The following KCNA2 variants were observed in gnomAD, a reference collection of about 807,000 sequenced individuals.
KCNA2 encodes the protein potassium voltage-gated channel subfamily A member 2, also known as potassium channel, voltage gated shaker related subfamily A, member 2.
A neutral mutation model predicts 33.4 loss-of-function variants in KCNA2; 11 were observed. The ratio of observed to expected loss-of-function variants is 0.33; its 90% CI spans 0.21 to 0.55. KCNA2 has a LOEUF of 0.55. KCNA2 is among the 20% of genes least tolerant of loss of function. The pLI is 0.93. For synonymous variants in KCNA2, 222 were observed against 231.3 expected (o/e 0.96, Z 0.37); for missense variants, 291 against 621.6 (o/e 0.47, Z 5.66).
chr1:110,616,235 A>T (rs1232991285), intron 1 of KCNA2, among the ~76,000 whole-genome samples: 1 of 152,174 alleles, frequency 6.6e-6, no homozygotes, highest in African/African-American at 2.4e-5. Flanking sequence ...GGGCATCTGT[A>T]GCCCCTGGCC....
At chr1:110,606,745 C>T (rs1483750760), upstream of KCNA2, 4 of 152,260 alleles carry the variant, frequency 2.6e-5, no homozygotes, top group African/African-American at 9.6e-5. Flanking sequence ...TGGGGAGTAG[C>T]CTGCGCCAGG....
At position 110,597,034 on chromosome 1, in the gene KCNA2, T is replaced by C; in HGVS notation, c.*6249A>G. The stretch of plus-strand genomic sequence containing the variant: ...TCTTTATTTCACTAATGTCATGCCC[T>C]AACCACCCAAACTTCTATCCCTGTA... On this transcript the variant is annotated 3_prime_UTR_variant, in exon 3 of 3. Transcript: ENST00000316361. The C allele has an allele frequency of 3.0e-6, 3 of 985,450 alleles. No individual in the cohort carries two copies. The highest frequency in any genetic ancestry group is 3.6e-6 in the Non-Finnish European group (3 of 829,938). 61.0% of individuals were successfully genotyped at this position (985,450 alleles called of 1,614,324 possible).
chr1:110,628,778 C>G (rs911436943), intron 1 of KCNA2, among the ~76,000 whole-genome samples: 1 of 152,198 alleles, frequency 6.6e-6, no homozygotes, highest in African/African-American at 2.4e-5. Context: ...ACCAATCCCA[C>G]AGAATTCGTC....
chr1:110,620,217 C>G (rs1014189463), intron 1 of KCNA2, among the ~76,000 whole-genome samples: 1 of 152,208 alleles, frequency 6.6e-6, no homozygotes, highest in Non-Finnish European at 1.5e-5. Context: ...CTTCTCCTTT[C>G]CCTCTGTGTG....
chr1:110,595,788 A>G lies in KCNA2; in HGVS notation c.*7495T>C, dbSNP rs1458287603. On this transcript the variant is annotated 3_prime_UTR_variant, in exon 3 of 3. Coordinates refer to ENST00000316361, the MANE Select transcript of KCNA2 (RefSeq NM_004974.4). ...GGATTTGTTAGTTCCATTGATTGCC[A>G]CAAACCTCACCTTCTGTGTGGCAGA... 1 of 985,358 alleles carries G rather than the reference A, an allele frequency of 1.0e-6. No individual in the cohort carries two copies. The highest frequency in any genetic ancestry group is 1.1e-4 in the East Asian group (1 of 8,836). 61.0% of individuals were successfully genotyped at this position (985,358 alleles called of 1,614,324 possible). A position where few individuals can be genotyped will look rare whatever the true frequency, so the allele number is the denominator to read the frequency against.
chr1:110,596,753 A>C lies in KCNA2; in HGVS notation c.*6530T>G, dbSNP rs966164863. 2 of 985,446 alleles carry C rather than the reference A, an allele frequency of 2.0e-6. No homozygotes were observed. Among genetic ancestry groups the C allele is most frequent in the Non-Finnish European group, 1.2e-6 (1 of 829,926 alleles). The allele number at this position is 985,446 out of a possible 1,614,324, so 61.0% of individuals were successfully genotyped here. ...CATGCTTTCCCATTCCCACTCAAAT[A>C]ACCAAAATTGCAAAGCAATCAGGAT... On this transcript the variant is annotated 3_prime_UTR_variant, in exon 3 of 3. Transcript: ENST00000316361.
Position 110,594,138 on chromosome 1 carries a change from AC to A in KCNA2, c.*9144del. ...TGATCCCAAGGAGGCTTATTTATCT[AC>A]CTCTTTGAGTTTTCAGCAATTATTA... On this transcript the variant is annotated 3_prime_UTR_variant, in exon 3 of 3. Coordinates refer to ENST00000316361, the MANE Select transcript of KCNA2 (RefSeq NM_004974.4). 7.4e-7 allele frequency: 1 copy of A among 1,355,842 alleles called. No individual in the cohort carries two copies. The highest frequency in any genetic ancestry group is 9.4e-7 in the Non-Finnish European group (1 of 1,058,428). 84.0% of individuals were successfully genotyped at this position (1,355,842 alleles called of 1,614,324 possible).
At chr1:110,626,852 C>G (rs532552191) in intron 1 of KCNA2, among the ~76,000 whole-genome samples, 3 of 152,306 alleles carry the variant, frequency 2.0e-5, no homozygotes, top group Admixed American at 2.0e-4. Context: ...TTTTCCACCT[C>G]CCTGCATGGA....
At chr1:110,620,679 A>C (rs1650232589) in intron 1 of KCNA2, among the ~76,000 whole-genome samples, 1 of 152,098 alleles carries the variant, frequency 6.6e-6, no homozygotes, top group African/African-American at 2.4e-5. Context: ...TCAAGGTAGC[A>C]TTTGAAGTGG....
In KCNA2 at chr1:110,605,721, G is replaced by T. The variant is rs1006475290; in HGVS notation, c.-494C>A. The T allele has an allele frequency of 6.6e-6, 1 of 152,350 alleles. No individual in the cohort carries two copies. The highest frequency in any genetic ancestry group is 1.5e-5 in the Non-Finnish European group (1 of 68,112). 9.4% of individuals were successfully genotyped at this position (152,350 alleles called of 1,614,324 possible). A position where few individuals can be genotyped will look rare whatever the true frequency, so the allele number is the denominator to read the frequency against. ...GGCTGTCCTCAGGAGGTGTGACGTT[G>T]CCTGGAAAAAAACAGCAGCAAGGTG... is the stretch of plus-strand genomic sequence containing the variant. On this transcript the variant is annotated splice_region_variant and 5_prime_UTR_variant, in exon 2 of 3. Transcript: ENST00000316361.
chr1:110,630,029 T>C (rs1650508853), intron 1 of KCNA2, among the ~76,000 whole-genome samples: 1 of 86,092 alleles, frequency 1.2e-5, no homozygotes, highest in Non-Finnish European at 3.0e-5. Flanking sequence ...TTTTTTTTTT[T>C]TTTGAGACGG....
chr1:110,594,138 A>C lies in KCNA2; in HGVS notation c.*9145T>G. 3.0e-6 allele frequency: 4 copies of C among 1,355,842 alleles called. No individual in the cohort carries two copies. In the South Asian group the frequency reaches 7.2e-5, roughly 24 times the overall value. The allele number at this position is 1,355,842 out of a possible 1,614,324, so 84.0% of individuals were successfully genotyped here. On this transcript the variant is annotated 3_prime_UTR_variant, in exon 3 of 3. Transcript: ENST00000316361. Reference sequence around the variant, plus strand: ...TGATCCCAAGGAGGCTTATTTATCTACCTCTTTGAGTTTTCAGCAATTATT... The same window carrying C: ...TGATCCCAAGGAGGCTTATTTATCTCCCTCTTTGAGTTTTCAGCAATTATT...
upstream of KCNA2, among the ~76,000 whole-genome samples, chr1:110,609,279 G>A (rs1157908212): frequency 2.0e-5 from 3 of 152,184 alleles, no homozygotes; most frequent in Non-Finnish European, 2.9e-5. Flanking sequence ...GAAAACAGAA[G>A]CTGTGGACAG....
rs150243871 is a variant in KCNA2 at position 110,616,111 on chromosome 1, G to A, written c.-495-10389C>T. Among the ~76,000 whole-genome samples, 777 of 152,336 alleles carry A rather than the reference G, an allele frequency of 5.1e-3. 1 individual carries two copies. Among genetic ancestry groups the A allele is most frequent in the Non-Finnish European group, 7.4e-3 (506 of 68,032 alleles). On this transcript the variant is annotated intron_variant, in intron 1 of 4. Transcript: ENST00000369770. ...ACCTGGGCAGAGCCATGCTTTAAGGGTTCTGCATGCCTCAAAGGAATTCCT... is the reference window on the plus strand; with the variant it reads ...ACCTGGGCAGAGCCATGCTTTAAGGATTCTGCATGCCTCAAAGGAATTCCT...
rs573371002 is a variant in KCNA2, at chr1:110,603,384, T to C, written c.1399A>G (p.Asn467Asp). ...TCCTCTCTAAAGTCCTCATTACTGTTATTTACACCCTCCTGGATCTCCATG... is the reference window on the plus strand; with the variant it reads ...TCCTCTCTAAAGTCCTCATTACTGTCATTTACACCCTCCTGGATCTCCATG... ...DYMEIQEGVNNSNEDFREENL... is the reference protein window; with the variant it reads ...DYMEIQEGVNDSNEDFREENL... Residue 467 changes from asparagine to aspartate, a missense_variant, in exon 3 of 3, where the codon AAC becomes GAC. By Grantham distance (23) the Asn-to-Asp change is conservative. This residue lies in a region of KCNA2 where 65 missense variants were observed against 95.1 expected (regional missense o/e 0.68). Coordinates refer to ENST00000316361, the MANE Select transcript of KCNA2 (RefSeq NM_004974.4). The surrounding 1 kb of genome is among the most constrained non-coding windows in gnomAD (Gnocchi z 5.7). 6.2e-7 allele frequency: 1 copy of C among 1,614,220 alleles called. No individual in the cohort carries two copies. Among genetic ancestry groups the C allele is most frequent in the East Asian group, 2.2e-5 (1 of 44,882 alleles).
At chr1:110,612,594 C>A (rs1251975287) in intron 1 of KCNA2, among the ~76,000 whole-genome samples, 2 of 152,204 alleles carry the variant, frequency 1.3e-5, no homozygotes, top group Admixed American at 1.3e-4. Context: ...GTCTGGGTCA[C>A]TGCAACCCCT....
rs368352476 is a variant in KCNA2 at position 110,602,154 on chromosome 1, T to G, written c.*1129A>C. 6.4e-7 allele frequency: 1 copy of G among 1,550,522 alleles called. No individual in the cohort carries two copies. ...CCTTCCCCGCTTACTCTTCTGGCTTTGCAGAGGTCTGCGTTCCTGTTTAGA... is the reference window on the plus strand; with the variant it reads ...CCTTCCCCGCTTACTCTTCTGGCTTGGCAGAGGTCTGCGTTCCTGTTTAGA... On this transcript the variant is annotated 3_prime_UTR_variant, in exon 3 of 3. Coordinates refer to ENST00000316361, the MANE Select transcript of KCNA2 (RefSeq NM_004974.4).
In KCNA2 at chr1:110,594,993, G is replaced by A. The variant is rs1311391207; in HGVS notation, c.*8290C>T. On this transcript the variant is annotated 3_prime_UTR_variant, in exon 3 of 3. Transcript: ENST00000316361. The stretch of plus-strand genomic sequence containing the variant: ...CTATTGCTTTCTCTAGCAGCCCAGA[G>A]CATTTATTCACTCATACAAACAAGG... 3.0e-5 allele frequency: 30 copies of A among 985,386 alleles called. No individual in the cohort carries two copies. The highest frequency in any genetic ancestry group is 3.5e-5 in the Non-Finnish European group (29 of 829,928). 61.0% of individuals were successfully genotyped at this position (985,386 alleles called of 1,614,324 possible).
rs1650297806 is a variant in KCNA2 at position 110,622,959 on chromosome 1, A to G, written c.-496+8436T>C. ...AATAAAAATCTTGGCAGAATTTTTA[A>G]CAGAAATTGACAAATTGAGCTATAC... On this transcript the variant is annotated intron_variant, in intron 1 of 4. Transcript: ENST00000369770. 2.0e-5 allele frequency among the ~76,000 whole-genome samples: 3 copies of G among 152,220 alleles called. No homozygotes were observed. In the South Asian group the frequency reaches 6.2e-4, roughly 31 times the overall value.
Sources: allele counts gnomAD v4.1 joint callset (sites outside exome capture counted in the v4.1 genomes callset), GRCh38; gene constraint gnomAD v4.1.1; regional missense constraint gnomAD v4.1.1; non-coding constraint Gnocchi (gnomAD v3.1); transcripts MANE v1.5; gene names NCBI Gene and HGNC (gene_info 2026-07-23, HGNC 2026-07-21).